The following TMEM52B variants were observed in gnomAD, a reference collection of about 807,000 sequenced individuals.
TMEM52B encodes the protein chromosome 12 open reading frame 59.
Under a neutral mutation model 16.1 loss-of-function variants are expected in TMEM52B, and 11 were observed. The observed-to-expected ratio is 0.68, with a 90% CI of 0.43 to 1.13. The LOEUF (loss-of-function observed/expected upper bound fraction) is 1.13. Ranked by LOEUF, TMEM52B falls within the 50% of genes most tolerant of loss-of-function variation. The probability of loss-of-function intolerance (pLI) is 0.00; values close to 1 mark genes in which losing one functional copy is unlikely to be tolerated. For missense variants in TMEM52B, 243 were observed against 230.4 expected (o/e 1.05, Z -0.35); for synonymous variants, 101 against 93.8 (o/e 1.08, Z -0.45).
upstream of TMEM52B, among the ~76,000 whole-genome samples, chr12:10,175,029 G>A (rs953464901): frequency 1.9e-4 from 29 of 152,186 alleles, no homozygotes; most frequent in Non-Finnish European, 5.9e-5. Context: ...CAGTGGGATA[G>A]TTTCTACAGT....
At chr12:10,175,778 C>T (rs1235249347), upstream of TMEM52B, among the ~76,000 whole-genome samples, 2 of 152,188 alleles carry the variant, frequency 1.3e-5, no homozygotes, top group Non-Finnish European at 2.9e-5. Flanking sequence ...TGTGGCCCTA[C>T]CCACTGACTT....
At chr12:10,188,827 G>A (rs1036336272) in intron 4 of TMEM52B, among the ~76,000 whole-genome samples, 1 of 151,734 alleles carries the variant, frequency 6.6e-6, no homozygotes, top group Non-Finnish European at 1.5e-5. Flanking sequence ...GACCATCCTG[G>A]CTAACGCAGT....
intron 4 of TMEM52B, among the ~76,000 whole-genome samples, chr12:10,188,507 A>T (rs1295252249): frequency 6.3e-5 from 7 of 111,408 alleles, no homozygotes; most frequent in Non-Finnish European, 1.1e-4. Context: ...GAAGGAAGGA[A>T]GGAAGGAAGG....
chr12:10,189,025 A>T (rs1220398975), intron 4 of TMEM52B, among the ~76,000 whole-genome samples: 1 of 59,870 alleles, frequency 1.7e-5, no homozygotes, highest in Non-Finnish European at 3.7e-5. Flanking sequence ...TCAAAAAAAA[A>T]AAAAAAAAAA....
chr12:10,182,288 A>G, intron 1 of TMEM52B: 2 of 985,260 alleles, frequency 2.0e-6, no homozygotes, highest in Non-Finnish European at 2.4e-6. Flanking sequence ...GTAAATGGCT[A>G]CCTCTCATTC....
At chr12:10,183,219 C>T (rs2137550095) in intron 2 of TMEM52B, among the ~76,000 whole-genome samples, 1 of 152,174 alleles carries the variant, frequency 6.6e-6, no homozygotes, top group South Asian at 2.1e-4. Context: ...AAGAAAAATA[C>T]ATATTTAGCC....
intron 1 of TMEM52B, chr12:10,172,103 G>C: frequency 6.4e-7 from 1 of 1,568,434 alleles, no homozygotes; most frequent in Non-Finnish European, 8.8e-7. Context: ...AAGAATGAGA[G>C]AGTGAAGCAG....
At chr12:10,188,000 G>C (rs1395220051) in intron 4 of TMEM52B, among the ~76,000 whole-genome samples, 2 of 152,096 alleles carry the variant, frequency 1.3e-5, no homozygotes, top group East Asian at 3.9e-4. Context: ...TTGGGAAGCT[G>C]AGGCGTGACA....
chr12:10,187,099 GTTTTTTTTT>G (rs71049057), intron 4 of TMEM52B, among the ~76,000 whole-genome samples: 2 of 82,180 alleles, frequency 2.4e-5, no homozygotes, highest in African/African-American at 9.9e-5. Context: ...TTCCATGACG[GTTTTTTTTT>G]TTTTTTTTTT....
intron 2 of TMEM52B, among the ~76,000 whole-genome samples, chr12:10,184,103 C>T (rs1029277723): frequency 6.6e-6 from 1 of 152,118 alleles, no homozygotes; most frequent in African/African-American, 2.4e-5. Context: ...ATCACGCCTA[C>T]ATAATGAGGC....
rs71049057 is a variant in TMEM52B at position 10,187,099 on chromosome 12, G to GTTTTTTTTTTTT, written c.307+520_307+531dup. Among the ~76,000 whole-genome samples, 24 of 82,164 alleles carry GTTTTTTTTTTTT rather than the reference G, an allele frequency of 2.9e-4. 3 individuals carry two copies. The highest frequency in any genetic ancestry group is 8.4e-4 in the African/African-American group (17 of 20,248). 53.9% of individuals were successfully genotyped at this position (82,164 alleles called of 152,430 possible). ...CTGTGGTTCTATTCTTTCCATGACGGTTTTTTTTTTTTTTTTTTTTTGAGA... is the reference window on the plus strand; with the variant it reads ...CTGTGGTTCTATTCTTTCCATGACGGTTTTTTTTTTTTTTTTTTTTTTTTTTTTTTTTTGAGA... On this transcript the variant is annotated intron_variant, in intron 4 of 4. Coordinates refer to ENST00000543484, the MANE Select transcript of TMEM52B (RefSeq NM_001384896.1).
At chr12:10,182,651 A>G in intron 2 of TMEM52B, 58 bp downstream of exon 2, 1 of 1,493,504 alleles carries the variant, frequency 6.7e-7, no homozygotes, top group East Asian at 2.5e-5. Context: ...TCACTACCCC[A>G]AAAGAGAGTC....
intron 1 of TMEM52B, chr12:10,182,073 G>A (rs1007289925): frequency 3.3e-4 from 320 of 970,064 alleles, no homozygotes; most frequent in Non-Finnish European, 3.6e-4. Flanking sequence ...AGTCTGAGTG[G>A]CATCTAGTAG....
upstream of TMEM52B, chr12:10,178,878 T>C (rs1262789455): frequency 6.6e-6 from 1 of 152,192 alleles, no homozygotes; most frequent in Non-Finnish European, 1.5e-5. Flanking sequence ...AAAGATGAGA[T>C]GGCTTTCCTG....
rs1388126090 is a variant in TMEM52B, at chr12:10,188,544, A to AAAC, written c.308-1352_308-1351insAAC. ...AGGAAGGAAGGAAGGAAGGAAAAGA[A>AAAC]GAAAAAGAAAAAGAAAAAGAAAAAG... On this transcript the variant is annotated intron_variant, in intron 4 of 4. Coordinates refer to ENST00000543484, the MANE Select transcript of TMEM52B (RefSeq NM_001384896.1). 6.1e-3 allele frequency among the ~76,000 whole-genome samples: 367 copies of AAAC among 60,286 alleles called. 4 individuals are homozygous for AAAC. The highest frequency in any genetic ancestry group is 0.015 in the African/African-American group (279 of 18,126). The allele number at this position is 60,286 out of a possible 152,430, so 39.5% of individuals were successfully genotyped here. A position where few individuals can be genotyped will look rare whatever the true frequency, so the allele number is the denominator to read the frequency against.
intron 1 of TMEM52B, among the ~76,000 whole-genome samples, chr12:10,180,946 C>G (rs1255429833): frequency 6.6e-6 from 1 of 152,138 alleles, no homozygotes; most frequent in African/African-American, 2.4e-5. Context: ...GCAGGGATTG[C>G]AGGCATGCAC....
chr12:10,181,625 G>T (rs1948823948), intron 1 of TMEM52B, among the ~76,000 whole-genome samples: 1 of 151,802 alleles, frequency 6.6e-6, no homozygotes. Flanking sequence ...ACCACGCCTG[G>T]CCTGGTCACA....
chr12:10,172,670 C>T (rs773611806), intron 1 of TMEM52B, among the ~76,000 whole-genome samples: 10 of 152,168 alleles, frequency 6.6e-5, no homozygotes, highest in Non-Finnish European at 1.5e-4. Flanking sequence ...GCTACTAGTT[C>T]ATGCAGTGCC....
chr12:10,172,008 C>T, intron 1 of TMEM52B: 2 of 1,612,604 alleles, frequency 1.2e-6, no homozygotes, highest in Non-Finnish European at 1.7e-6. Context: ...GTACCTTTAG[C>T]TTTTTTTCCA....
Sources: gnomAD v4.1 joint callset for allele counts (sites outside exome capture counted in the v4.1 genomes callset) on GRCh38, gnomAD v4.1.1 for gene constraint, MANE v1.5 for transcripts, NCBI Gene and HGNC (gene_info 2026-07-23, HGNC 2026-07-21) for gene names.